SNRPN: variants seen among roughly 807,000 people sequenced by gnomAD.
SNRPN encodes the protein small nuclear ribonucleoprotein-associated protein N.
In SNRPN, 7 loss-of-function variants were observed where a neutral mutation model predicts 25.2. The observed-to-expected ratio is 0.28, with a 90% CI of 0.16 to 0.52. The LOEUF is 0.52. SNRPN is among the 20% of genes least tolerant of loss of function. SNRPN has a pLI of 0.96. For synonymous variants in SNRPN, 124 were observed against 110.6 expected (o/e 1.12, Z -0.76); for missense variants, 196 against 322.5 (o/e 0.61, Z 3.00).
intron 3 of SNRPN, among the ~76,000 whole-genome samples, chr15:24,924,357 A>G (rs975507493): frequency 5.3e-5 from 8 of 152,052 alleles, no homozygotes; most frequent in African/African-American, 1.9e-4. Flanking sequence ...ACAGCCGGTG[A>G]CAAAGTCTGC....
Position 24,929,976 on chromosome 15 carries a change from A to G in SNRPN, c.-391+9852A>G, listed in dbSNP as rs1222285494. Among the ~76,000 whole-genome samples, 2 of 151,688 alleles carry G rather than the reference A, an allele frequency of 1.3e-5. No individual in the cohort carries two copies. The highest frequency in any genetic ancestry group is 3.9e-4 in the East Asian group (2 of 5,094). The stretch of plus-strand genomic sequence containing the variant: ...GCCAAGGCGGGTGGATCACGAGGTC[A>G]GGAGATCAAGACCCTCCTGGCTAAC... On this transcript the variant is annotated intron_variant, in intron 3 of 11. Transcript: ENST00000400097. The surrounding 1 kb of genome is among the most constrained non-coding windows in gnomAD (Gnocchi z 5.3).
intron 3 of SNRPN, among the ~76,000 whole-genome samples, chr15:24,949,385 C>T (rs1201692344): frequency 6.6e-6 from 1 of 152,088 alleles, no homozygotes; most frequent in Non-Finnish European, 1.5e-5. Context: ...CATGTTGCCT[C>T]ATGTCTGCAA....
At chr15:24,846,084 C>G (rs1377043463) in intron 2 of SNRPN, among the ~76,000 whole-genome samples, 1 of 137,224 alleles carries the variant, frequency 7.3e-6, no homozygotes, top group Non-Finnish European at 1.6e-5. Flanking sequence ...GACTCCGTCT[C>G]AAAAAAAAAA....
chr15:24,971,519 C>T (rs538714826), intron 3 of SNRPN, among the ~76,000 whole-genome samples: 2 of 151,706 alleles, frequency 1.3e-5, no homozygotes, highest in South Asian at 2.1e-4. Flanking sequence ...TCTAGCTATA[C>T]AGGTTATTAT....
intron 2 of SNRPN, among the ~76,000 whole-genome samples, chr15:24,898,416 C>T (rs1185155606): frequency 5.9e-5 from 9 of 151,896 alleles, no homozygotes; most frequent in East Asian, 1.9e-4. Flanking sequence ...GGTAAAACCC[C>T]GTCTCTACTA....
chr15:24,955,579 G>A (rs2062702660), intron 1 of SNRPN, among the ~76,000 whole-genome samples: 1 of 149,932 alleles, frequency 6.7e-6, no homozygotes, highest in Non-Finnish European at 1.5e-5. Flanking sequence ...CCACTGCGTG[G>A]TGGAGCAGGG....
chr15:24,976,228 C>G, intron 5 of SNRPN, 77 bp from the exon 6 acceptor site: 2 of 1,115,012 alleles, frequency 1.8e-6, no homozygotes, highest in Non-Finnish European at 2.7e-6. Context: ...TTAATTGATA[C>G]TTGAGGTTGT....
Position 24,920,996 on chromosome 15 carries a change from T to C in SNRPN, c.-391+872T>C, listed in dbSNP as rs547989369. Among the ~76,000 whole-genome samples the C allele has an allele frequency of 3.9e-5, 6 of 151,986 alleles. No homozygotes were observed. In the East Asian group the frequency reaches 9.7e-4, roughly 25 times the overall value. On this transcript the variant is annotated intron_variant, in intron 3 of 11. Coordinates refer to the SNRPN transcript ENST00000400097. ...TGATTGAAAGAGTATGTGCTGGAGG[T>C]GTATGATATTTTCCATCCACTTCAG... is the stretch of plus-strand genomic sequence containing the variant.
chr15:24,866,861 G>A (rs1400699348), intron 1 of SNRPN, among the ~76,000 whole-genome samples: 1 of 151,780 alleles, frequency 6.6e-6, no homozygotes, highest in Admixed American at 6.6e-5. Flanking sequence ...GCAAATGACA[G>A]GATTTCCTTT....
At chr15:24,859,700 G>A (rs7359176) in intron 1 of SNRPN, among the ~76,000 whole-genome samples, 67,521 of 152,082 alleles carry the variant, frequency 0.44, 15,388 homozygotes, top group Non-Finnish European at 0.49. Context: ...AAGTAAAGCA[G>A]AAAAAGAATG....
intron 1 of SNRPN, among the ~76,000 whole-genome samples, chr15:24,858,295 G>A (rs547437173): frequency 1.3e-4 from 20 of 152,222 alleles, no homozygotes; most frequent in East Asian, 7.7e-4. Flanking sequence ...CCTGAAGTTC[G>A]CGGGGAATGA....
chr15:24,938,541 C>A (rs2061377784), intron 3 of SNRPN, among the ~76,000 whole-genome samples: 1 of 152,166 alleles, frequency 6.6e-6, no homozygotes, highest in Admixed American at 6.5e-5. Context: ...TCCGAAAGTG[C>A]TGGGATTACA....
chr15:24,868,684 TA>T (rs1357938363), intron 1 of SNRPN, among the ~76,000 whole-genome samples: 1 of 152,216 alleles, frequency 6.6e-6, no homozygotes, highest in East Asian at 1.9e-4. Flanking sequence ...TTATTTTGTA[TA>T]ACCTGAATTC....
At chr15:24,827,202 C>T (rs1011063571) in intron 1 of SNRPN, among the ~76,000 whole-genome samples, 9 of 152,038 alleles carry the variant, frequency 5.9e-5, no homozygotes, top group Non-Finnish European at 1.0e-4. Flanking sequence ...CATTATTGTA[C>T]ACTACTGTAG....
chr15:24,956,117 A>C (rs1381341274), intron 1 of SNRPN, among the ~76,000 whole-genome samples: 1 of 152,116 alleles, frequency 6.6e-6, no homozygotes, highest in African/African-American at 2.4e-5. Flanking sequence ...CTCGCTTTAG[A>C]GGCTATGGCA....
At chr15:24,861,361 T>G (rs1374185890) in intron 1 of SNRPN, among the ~76,000 whole-genome samples, 1 of 152,164 alleles carries the variant, frequency 6.6e-6, no homozygotes, top group Non-Finnish European at 1.5e-5. Flanking sequence ...AACACAATGA[T>G]AAGTATTTAA....
chr15:24,894,394 A>G (rs898776282), intron 2 of SNRPN, among the ~76,000 whole-genome samples: 1 of 151,882 alleles, frequency 6.6e-6, no homozygotes, highest in African/African-American at 2.4e-5. Flanking sequence ...AATTTTTTGT[A>G]TTTTTAGTAG....
chr15:24,960,106 A>C (rs1333694409), intron 1 of SNRPN, among the ~76,000 whole-genome samples: 1 of 152,092 alleles, frequency 6.6e-6, no homozygotes, highest in African/African-American at 2.4e-5. Flanking sequence ...CTCTACTATA[A>C]ATACAAAAAT....
At chr15:24,837,168 C>T (rs918456575) in intron 2 of SNRPN, among the ~76,000 whole-genome samples, 3 of 151,852 alleles carry the variant, frequency 2.0e-5, no homozygotes, top group African/African-American at 4.8e-5. Flanking sequence ...AAAGGACTAC[C>T]GAGAGGTAAA....
Sources: allele counts gnomAD v4.1 joint callset (sites outside exome capture counted in the v4.1 genomes callset), GRCh38; gene constraint gnomAD v4.1.1; non-coding constraint Gnocchi (gnomAD v3.1); transcripts MANE v1.5; gene names NCBI Gene and HGNC (gene_info 2026-07-23, HGNC 2026-07-21).